Variants in LYPD6 observed in about 807,000 individuals in gnomAD.
LYPD6 encodes the protein LY6/PLAUR domain containing 6, also known as ly6/PLAUR domain-containing protein 6.
In LYPD6, 15 loss-of-function variants were observed where a neutral mutation model predicts 22.7. That is an observed-to-expected ratio of 0.66 (90% CI 0.44 to 1.02). LYPD6 has a LOEUF of 1.02. Ranked by LOEUF, LYPD6 falls within the 50% of genes least tolerant of loss-of-function variation. The pLI, the probability that LYPD6 is intolerant of heterozygous loss-of-function variation, is 0.00. For synonymous variants in LYPD6, 72 were observed against 77.5 expected, an observed-to-expected ratio of 0.93 and a Z score of 0.37; for missense variants, 189 against 208.4, an observed-to-expected ratio of 0.91 and a Z score of 0.57.
intron 2 of LYPD6, among the ~76,000 whole-genome samples, chr2:149,440,693 CTTTTTTTTTTTTT>C (rs764789006): frequency 3.3e-5 from 3 of 91,070 alleles, no homozygotes; most frequent in African/African-American, 1.1e-4. Context: ...TTCTGTCCAC[CTTTTTTTTTTTTT>C]TTTTTTTTTT....
intron 1 of LYPD6, among the ~76,000 whole-genome samples, chr2:149,405,250 A>C (rs1682672516): frequency 6.6e-6 from 1 of 152,102 alleles, no homozygotes; most frequent in African/African-American, 2.4e-5. Flanking sequence ...TGGCCTCATA[A>C]AATGAGTTAG....
At chr2:149,404,706 G>C (rs1183177026) in intron 1 of LYPD6, among the ~76,000 whole-genome samples, 2 of 152,014 alleles carry the variant, frequency 1.3e-5, no homozygotes, top group South Asian at 2.1e-4. Flanking sequence ...TCCTCTTTTC[G>C]TATTTGAATA....
chr2:149,416,377 T>C (rs1682962565), intron 1 of LYPD6, among the ~76,000 whole-genome samples: 1 of 152,138 alleles, frequency 6.6e-6, no homozygotes, highest in African/African-American at 2.4e-5. Context: ...TGTTCAGTTA[T>C]AGTGGGGTAA....
At chr2:149,454,519 G>C (rs539121405) in intron 3 of LYPD6, among the ~76,000 whole-genome samples, 1 of 152,172 alleles carries the variant, frequency 6.6e-6, no homozygotes, top group African/African-American at 2.4e-5. Flanking sequence ...AGGACATTTG[G>C]GTTGTTTCCA....
chr2:149,367,346 C>T (rs1681698792), intron 1 of LYPD6, among the ~76,000 whole-genome samples: 1 of 152,132 alleles, frequency 6.6e-6, no homozygotes, highest in Admixed American at 6.5e-5. Context: ...CTTTGGAGGC[C>T]ACCTTCAGTT....
chr2:149,352,758 C>A (rs1681382025), intron 1 of LYPD6, among the ~76,000 whole-genome samples: 1 of 152,080 alleles, frequency 6.6e-6, no homozygotes, highest in African/African-American at 2.4e-5. Flanking sequence ...TGTTATCTGG[C>A]CCTTTATAGA....
chr2:149,382,212 T>C (rs1573757539), intron 1 of LYPD6, among the ~76,000 whole-genome samples: 1 of 152,198 alleles, frequency 6.6e-6, no homozygotes, highest in East Asian at 1.9e-4. Context: ...TAATTAACAC[T>C]AGAAGTTATA....
chr2:149,404,814 T>C, intron 1 of LYPD6, among the ~76,000 whole-genome samples: 1 of 152,186 alleles, frequency 6.6e-6, no homozygotes, highest in Admixed American at 6.6e-5. Context: ...CTTGTGCCAG[T>C]TTTCAAAGGG....
chr2:149,470,780 C>T lies in LYPD6; in HGVS notation c.446C>T (p.Thr149Ile), dbSNP rs1419816626. Residue 149 changes from threonine to isoleucine, a missense_variant, in exon 5 of 5, where the codon ACA (threonine) becomes ATA (isoleucine). Physicochemically the swap from Thr to Ile is moderately conservative, Grantham distance 89 (BLOSUM62 -1). Transcript: ENST00000334166. Reference sequence around the variant, plus strand: ...GCCACGACGTCACCTATAAATCAGACAAATGGGCACCCACGCTGTATGTCA... The same window carrying T: ...GCCACGACGTCACCTATAAATCAGATAAATGGGCACCCACGCTGTATGTCA... ...TFATTSPINQ[T>I]NGHPRCMSVI... 2.5e-6 allele frequency: 4 copies of T among 1,613,684 alleles called. No homozygotes were observed. Among genetic ancestry groups the T allele is most frequent in the East Asian group, 2.2e-5 (1 of 44,860 alleles).
rs201660104 is a variant in LYPD6 at position 149,468,758 on chromosome 2, G to A, written c.331G>A (p.Glu111Lys). The change falls in exon 4 of 5, where the codon GAG (glutamate) becomes AAG (lysine). Residue 111 changes from glutamate to lysine, a missense_variant. Glu to Lys is a moderately conservative substitution (Grantham distance 56, BLOSUM62 1). Transcript: ENST00000334166. The part of the protein sequence containing the change: ...ECLSTGCRDS[E>K]HEGHKVCTSC... ...CTTATCCACTGGCTGCAGAGACTCC[G>A]AGCATGAAGGCCACAAGGTCTGGGC... is the stretch of plus-strand genomic sequence containing the variant. 1.7e-5 allele frequency: 28 copies of A among 1,613,474 alleles called. No individual in the cohort carries two copies. In the East Asian group the frequency reaches 3.1e-4, roughly 18 times the overall value.
chr2:149,467,453 A>G (rs540261097), intron 3 of LYPD6, among the ~76,000 whole-genome samples: 18 of 152,272 alleles, frequency 1.2e-4, no homozygotes, highest in African/African-American at 4.1e-4. Flanking sequence ...AGTTTTGATG[A>G]CTTCCAGGAT....
At chr2:149,431,562 C>T (rs1323805631) in intron 1 of LYPD6, among the ~76,000 whole-genome samples, 1 of 152,192 alleles carries the variant, frequency 6.6e-6, no homozygotes, top group Non-Finnish European at 1.5e-5. Flanking sequence ...TCATGATTTA[C>T]TGCAGGAATG....
At chr2:149,430,596 T>C (rs1683291213) in intron 1 of LYPD6, among the ~76,000 whole-genome samples, 1 of 152,248 alleles carries the variant, frequency 6.6e-6, no homozygotes, top group Admixed American at 6.5e-5. Context: ...AGATTGATTG[T>C]GATCTTTGAG....
At chr2:149,361,988 G>A (rs1279214379) in intron 1 of LYPD6, among the ~76,000 whole-genome samples, 1 of 152,118 alleles carries the variant, frequency 6.6e-6, no homozygotes, top group African/African-American at 2.4e-5. Flanking sequence ...GGTAAAGGAA[G>A]GCACCATGAG....
rs535873475 is a variant in LYPD6, at chr2:149,443,248, G to A, written c.118+5422G>A. Among the ~76,000 whole-genome samples, 67 of 152,290 alleles carry A rather than the reference G, an allele frequency of 4.4e-4. No homozygotes were observed. In the South Asian group the frequency reaches 0.014, roughly 31 times the overall value. On this transcript the variant is annotated intron_variant, in intron 2 of 4. Transcript: ENST00000334166. ...GGGTCTCAATAAGTTTGTTCTTGGA[G>A]TAGCTGGATCGTCAATCTTCATTCA...
chr2:149,395,519 G>A (rs1443699978), intron 1 of LYPD6, among the ~76,000 whole-genome samples: 2 of 151,906 alleles, frequency 1.3e-5, no homozygotes, highest in African/African-American at 4.8e-5. Flanking sequence ...ATTTTAAAAA[G>A]CCCTAAACTT....
intron 1 of LYPD6, among the ~76,000 whole-genome samples, chr2:149,337,902 G>A (rs1003056006): frequency 1.5e-4 from 23 of 152,212 alleles, no homozygotes; most frequent in Admixed American, 1.2e-3. Context: ...TCTGTTCTTG[G>A]ATTAGTTCAC....
At chr2:149,363,881 G>C (rs1273926661) in intron 1 of LYPD6, among the ~76,000 whole-genome samples, 1 of 152,102 alleles carries the variant, frequency 6.6e-6, no homozygotes, top group East Asian at 1.9e-4. Flanking sequence ...AAATGCATTT[G>C]ATAAAAATGC....
intron 1 of LYPD6, among the ~76,000 whole-genome samples, chr2:149,363,491 T>C (rs1681606869): frequency 6.6e-6 from 1 of 152,194 alleles, no homozygotes; most frequent in South Asian, 2.1e-4. Flanking sequence ...GTATCCTGCT[T>C]AGTCATGTTC....
Sources: allele counts gnomAD v4.1 joint callset (sites outside exome capture counted in the v4.1 genomes callset), GRCh38; gene constraint gnomAD v4.1.1; transcripts MANE v1.5; gene names NCBI Gene and HGNC (gene_info 2026-07-23, HGNC 2026-07-21).